Variants in CORO2A observed in about 807,000 individuals in gnomAD.
CORO2A encodes the protein coronin 2A.
In CORO2A, 47 loss-of-function variants were observed where a neutral mutation model predicts 62.4. The ratio of observed to expected loss-of-function variants is 0.75; its 90% CI spans 0.60 to 0.96. The LOEUF (loss-of-function observed/expected upper bound fraction) is 0.96, where lower values mean the gene tolerates loss of function less well. CORO2A is among the 40% of genes least tolerant of loss of function. The pLI is 0.00. For synonymous variants in CORO2A, 273 were observed against 268.9 expected (o/e 1.02, Z -0.15); for missense variants, 610 against 684.1 (o/e 0.89, Z 1.21).
intron 1 of CORO2A, among the ~76,000 whole-genome samples, chr9:98,187,620 G>T (rs1828256380): frequency 6.6e-6 from 1 of 152,174 alleles, no homozygotes; most frequent in South Asian, 2.1e-4. Context: ...TCCTCATGTG[G>T]TGGAGGAGGT....
Position 98,121,281 on chromosome 9 carries a change from C to T in CORO2A, c.*3493G>A, listed in dbSNP as rs1440737696. On this transcript the variant is annotated 3_prime_UTR_variant, in exon 12 of 12. Coordinates refer to ENST00000375077, the MANE Select transcript of CORO2A (RefSeq NM_052820.4). Reference sequence around the variant, plus strand: ...CATCTCCTAGTGCTGTCCTCATTCTCAGAAAGTTCCTGAGTCAACAGAAAG... The same window carrying T: ...CATCTCCTAGTGCTGTCCTCATTCTTAGAAAGTTCCTGAGTCAACAGAAAG... The T allele has an allele frequency of 1.3e-5, 2 of 152,160 alleles. No individual in the cohort carries two copies. The highest frequency in any genetic ancestry group is 2.9e-5 in the Non-Finnish European group (2 of 68,046). The allele number at this position is 152,160 out of a possible 1,614,324, so 9.4% of individuals were successfully genotyped here.
At chr9:98,145,172 G>A (rs1438744280) in intron 2 of CORO2A, among the ~76,000 whole-genome samples, 1 of 152,168 alleles carries the variant, frequency 6.6e-6, no homozygotes, top group Non-Finnish European at 1.5e-5. Context: ...ACCACAGCTG[G>A]TGTCCCCACT....
intron 3 of CORO2A, among the ~76,000 whole-genome samples, chr9:98,135,396 GC>G (rs1226961015): frequency 6.6e-6 from 1 of 152,198 alleles, no homozygotes; most frequent in Non-Finnish European, 1.5e-5. Flanking sequence ...GCACTAGGGA[GC>G]CGGCGAGGTC....
At chr9:98,131,596 C>T (rs1245268298) in intron 6 of CORO2A, among the ~76,000 whole-genome samples, 1 of 152,226 alleles carries the variant, frequency 6.6e-6, no homozygotes, top group South Asian at 2.1e-4. Flanking sequence ...TGGGATTACA[C>T]GCGTGTACCA....
intron 2 of CORO2A, among the ~76,000 whole-genome samples, chr9:98,139,037 T>G (rs1338939454): frequency 7.2e-6 from 1 of 138,072 alleles, no homozygotes; most frequent in African/African-American, 2.7e-5. Context: ...CAGAGCAAGA[T>G]TCTGTCTCAA....
intron 2 of CORO2A, among the ~76,000 whole-genome samples, chr9:98,143,748 C>CAG (rs1564205336): frequency 6.6e-6 from 1 of 152,146 alleles, no homozygotes; most frequent in Non-Finnish European, 1.5e-5. Flanking sequence ...GATATACTCA[C>CAG]TGGGCAGGGG....
chr9:98,189,256 C>T (rs1391546706), intron 1 of CORO2A, among the ~76,000 whole-genome samples: 3 of 152,198 alleles, frequency 2.0e-5, no homozygotes, highest in Admixed American at 6.5e-5. Context: ...AGCAAAGTCA[C>T]CTACTCCTGG....
chr9:98,181,634 C>T, intron 1 of CORO2A, among the ~76,000 whole-genome samples: 1 of 152,082 alleles, frequency 6.6e-6, no homozygotes, highest in East Asian at 1.9e-4. Flanking sequence ...CATCACGGTG[C>T]TTTCAGTTCT....
Position 98,128,692 on chromosome 9 carries a change from A to G in CORO2A, c.995T>C (p.Val332Ala), listed in dbSNP as rs375182845. The G allele has an allele frequency of 1.2e-6, 2 of 1,614,016 alleles. No individual in the cohort carries two copies. The highest frequency in any genetic ancestry group is 2.7e-5 in the African/African-American group (2 of 74,936). ...GAAGCGGAAGATCTCGCAGGAGGAC[A>G]CGTCGAGTCCTCTCTTTGGCATGAC... Reference protein sequence around the residue: ...IGVMPKRGLDVSSCEIFRFYK... With the variant: ...IGVMPKRGLDASSCEIFRFYK... The change falls in exon 9 of 12, where the codon GTG becomes GCG. Residue 332 changes from valine (V) to alanine (A), a missense_variant. Transcript: ENST00000375077.
At chr9:98,165,437 A>C (rs1827946253) in intron 1 of CORO2A, among the ~76,000 whole-genome samples, 1 of 152,240 alleles carries the variant, frequency 6.6e-6, no homozygotes, top group South Asian at 2.1e-4. Context: ...GATTTCATTC[A>C]ATCTCCAATC....
chr9:98,143,302 G>C (rs931485770), intron 2 of CORO2A, among the ~76,000 whole-genome samples: 2 of 152,260 alleles, frequency 1.3e-5, no homozygotes, highest in African/African-American at 4.8e-5. Context: ...CAGAAAGGGA[G>C]AGGTTGTGAG....
intron 11 of CORO2A, 76 bp downstream of exon 11, chr9:98,126,473 C>T (rs1460638483): frequency 7.8e-6 from 12 of 1,536,198 alleles, no homozygotes; most frequent in Non-Finnish European, 9.7e-6. Context: ...CATTTTCTCC[C>T]TTCTTCTCAG....
chr9:98,137,775 A>C, intron 2 of CORO2A, 87 bp from the exon 3 acceptor site: 1 of 951,470 alleles, frequency 1.1e-6, no homozygotes, highest in South Asian at 1.3e-5. Context: ...GCAACCAGTC[A>C]ACAGGAAAAC....
At chr9:98,130,205 C>T (rs772664446) in intron 7 of CORO2A, among the ~76,000 whole-genome samples, 4 of 152,152 alleles carry the variant, frequency 2.6e-5, no homozygotes, top group Non-Finnish European at 4.4e-5. Context: ...CTCAGCCTCC[C>T]GAGTAGGTGG....
intron 1 of CORO2A, among the ~76,000 whole-genome samples, chr9:98,171,488 G>C (rs748256870): frequency 1.3e-5 from 2 of 152,220 alleles, no homozygotes; most frequent in African/African-American, 4.8e-5. Flanking sequence ...CGTCACTTAT[G>C]GGGGAGCTCA....
At chr9:98,180,359 T>C (rs1339612932) in intron 1 of CORO2A, among the ~76,000 whole-genome samples, 1 of 152,048 alleles carries the variant, frequency 6.6e-6, no homozygotes, top group Non-Finnish European at 1.5e-5. Flanking sequence ...TGCTCCCTCT[T>C]CCAGGAAGTC....
At chr9:98,162,682 G>A (rs1484336670) in intron 1 of CORO2A, among the ~76,000 whole-genome samples, 1 of 152,238 alleles carries the variant, frequency 6.6e-6, no homozygotes, top group Non-Finnish European at 1.5e-5. Flanking sequence ...CATTCATCAG[G>A]AAGTTCATGA....
chr9:98,178,592 T>C (rs1828139204), intron 1 of CORO2A, among the ~76,000 whole-genome samples: 1 of 152,188 alleles, frequency 6.6e-6, no homozygotes, highest in African/African-American at 2.4e-5. Context: ...GGAGTCCTCA[T>C]TACCCTTTCT....
Position 98,123,890 on chromosome 9 carries a change from GA to G in CORO2A, c.*883del, listed in dbSNP as rs1452769435. 13 of 149,894 alleles carry G rather than the reference GA, an allele frequency of 8.7e-5. No homozygotes were observed. The highest frequency in any genetic ancestry group is 3.0e-4 in the African/African-American group (12 of 40,556). The allele number at this position is 149,894 out of a possible 1,614,324, so 9.3% of individuals were successfully genotyped here. ...GGCTGGTCTTGAACTCCTGACCTCA[GA>G]AGATCCGCCCAGCTTGGCCTCCCAA... On this transcript the variant is annotated 3_prime_UTR_variant, in exon 12 of 12. Coordinates refer to ENST00000375077, the MANE Select transcript of CORO2A (RefSeq NM_052820.4).
Sources: gnomAD v4.1 joint callset for allele counts (sites outside exome capture counted in the v4.1 genomes callset) on GRCh38, gnomAD v4.1.1 for gene constraint, MANE v1.5 for transcripts, NCBI Gene and HGNC (gene_info 2026-07-23, HGNC 2026-07-21) for gene names.